The following NR1I3 variants were observed in gnomAD, a reference collection of about 807,000 sequenced individuals.
NR1I3 encodes the protein nuclear receptor subfamily 1 group I member 3.
A neutral mutation model predicts 38.4 loss-of-function variants in NR1I3; 30 were observed. The observed-to-expected ratio is 0.78, with a 90% CI of 0.58 to 1.06. The LOEUF (loss-of-function observed/expected upper bound fraction) is 1.06. NR1I3 is among the 50% of genes least tolerant of loss of function. The pLI, the probability that NR1I3 is intolerant of heterozygous loss-of-function variation, is 0.00. For missense variants in NR1I3, 388 were observed against 435.7 expected (o/e 0.89, Z 0.97); for synonymous variants, 143 against 165.1 (o/e 0.87, Z 1.03).
chr1:161,233,072 C>T (rs1413198702), intron 4 of NR1I3, 97 bp downstream of exon 4: 31 of 1,576,172 alleles, frequency 2.0e-5, no homozygotes, highest in Non-Finnish European at 2.6e-5. Flanking sequence ...GAGATCTGTT[C>T]TCAGTATCAG....
Position 161,229,941 on chromosome 1 carries a change from G to A in NR1I3, c.918-15C>T. On this transcript the variant is annotated splice_polypyrimidine_tract_variant and intron_variant, in intron 8 of 8. Coordinates refer to ENST00000367983, the MANE Select transcript of NR1I3 (RefSeq NM_005122.5). ...CATACAGAAACCTTTGGAGGAAGTAGTGGGGTTGCCAGGAAAACAGGAGGG... is the reference window on the plus strand; with the variant it reads ...CATACAGAAACCTTTGGAGGAAGTAATGGGGTTGCCAGGAAAACAGGAGGG... The A allele has an allele frequency of 6.2e-7, 1 of 1,614,074 alleles. No homozygotes were observed. The highest frequency in any genetic ancestry group is 8.5e-7 in the Non-Finnish European group (1 of 1,179,968).
intron 5 of NR1I3, among the ~76,000 whole-genome samples, chr1:161,231,882 G>A (rs965595151): frequency 4.6e-5 from 7 of 151,976 alleles, no homozygotes; most frequent in African/African-American, 1.4e-4. Flanking sequence ...GGGTGGTCTC[G>A]AACTCCTAGG....
At position 161,232,641 on chromosome 1, in the gene NR1I3, A is replaced by G. The variant is rs560922714; in HGVS notation, c.548+166T>C. Among the ~76,000 whole-genome samples the G allele has an allele frequency of 2.6e-5, 4 of 152,348 alleles. No individual in the cohort carries two copies. The East Asian group carries it at 7.7e-4, about 29-fold the overall frequency. On this transcript the variant is annotated intron_variant, in intron 5 of 8. Transcript: ENST00000367983. ...CAAGCCTGTACTTCAGAGATGGAGA[A>G]GAACTCCCAGTTCTGATTGGCACAT...
intron 2 of NR1I3, 71 bp from the exon 3 acceptor site, chr1:161,236,048 TA>T (rs1668555878): frequency 8.0e-6 from 12 of 1,504,994 alleles, no homozygotes; most frequent in Non-Finnish European, 1.1e-5. Flanking sequence ...TGACATGGTC[TA>T]AAAGACCTGG....
chr1:161,231,355 C>T lies in NR1I3; in HGVS notation c.668G>A (p.Arg223His), dbSNP rs1159078073. Residue 223 changes from arginine (R) to histidine (H), a missense_variant, in exon 6 of 9, where the codon CGC becomes CAC. Arg to His is a conservative substitution (Grantham distance 29). Transcript: ENST00000367983. The part of the protein sequence containing the change: ...QTQNFLCGPL[R>H]YTIEDGARVG... ...ACGGGCTCCATCTTCAATTGTGTAG[C>T]GAAGAGGCCCGCAGAGGAAGTTTTG... 8 of 1,569,038 alleles carry T rather than the reference C, an allele frequency of 5.1e-6. No individual in the cohort carries two copies. The African/African-American group carries it at 5.5e-5, about 11-fold the overall frequency.
rs1461338490 is a variant in NR1I3 at position 161,231,207 on chromosome 1, A to G, written c.721T>C (p.Leu241=). The G allele has an allele frequency of 1.9e-6, 3 of 1,613,912 alleles. No individual in the cohort carries two copies. The South Asian group carries it at 3.3e-5, about 18-fold the overall frequency. ...RVGFQVEFLE[L]LFHFHGTLRK... is the part of the protein sequence containing the mutation. Reference sequence around the variant, plus strand: ...AGTGTTCCATGGAAGTGAAAGAGCAACTCCAAAAACTCTACCTGGAACCCC... The same window carrying G: ...AGTGTTCCATGGAAGTGAAAGAGCAGCTCCAAAAACTCTACCTGGAACCCC... Residue 241 remains leucine (L), a synonymous_variant, in exon 7 of 9, where the codon TTG becomes CTG. Coordinates refer to ENST00000367983, the MANE Select transcript of NR1I3 (RefSeq NM_005122.5).
chr1:161,232,920 G>A lies in NR1I3; in HGVS notation c.435C>T (p.His145=), dbSNP rs1361986597. 1 of 1,614,220 alleles carries A rather than the reference G, an allele frequency of 6.2e-7. No homozygotes were observed. The highest frequency in any genetic ancestry group is 1.1e-5 in the South Asian group (1 of 91,084). The change falls in exon 5 of 9, where the codon CAC becomes CAT. Residue 145 remains histidine (H), a synonymous_variant. Coordinates refer to ENST00000367983, the MANE Select transcript of NR1I3 (RefSeq NM_005122.5). ...CAGGGGCCAGGGTGGGCAAGGGCTG[G>A]TGATGGATGAACAGATGAGCTGGAG... ...FRPPAHLFIH[H]QPLPTLAPVL...
Position 161,235,509 on chromosome 1 carries a change from C to T in NR1I3, c.238+338G>A, listed in dbSNP as rs543963221. The T allele has an allele frequency of 9.2e-5, 21 of 227,820 alleles. No homozygotes were observed. In the South Asian group the frequency reaches 9.8e-4, roughly 11 times the overall value. 14.1% of individuals were successfully genotyped at this position (227,820 alleles called of 1,614,324 possible). ...GGTCTCGATCTCCTGACCTCGTGAT[C>T]CGCCTGCCTCGGCCTCCCAAAGTGC... is the stretch of plus-strand genomic sequence containing the variant. On this transcript the variant is annotated intron_variant, in intron 3 of 8. Transcript: ENST00000367983.
chr1:161,237,963 C>T (rs547029703), intron 1 of NR1I3, 78 bp downstream of exon 1: 648 of 1,409,054 alleles, frequency 4.6e-4, no homozygotes, highest in Admixed American at 7.1e-4. Flanking sequence ...GAATGACACA[C>T]GTGAGCCACT....
At chr1:161,233,148 C>A (rs376347313) in intron 4 of NR1I3, 21 bp downstream of exon 4, 5 of 1,609,870 alleles carry the variant, frequency 3.1e-6, no homozygotes, top group African/African-American at 1.3e-5. Context: ...GTATTCCAAC[C>A]CAAATCCTGT....
At chr1:161,233,454 G>A in intron 3 of NR1I3, 116 bp from the exon 4 acceptor site, 2 of 1,110,606 alleles carry the variant, frequency 1.8e-6, no homozygotes, top group South Asian at 1.4e-5. Flanking sequence ...GGGGGCAGTG[G>A]GGGGAATTCC....
intron 7 of NR1I3, 29 bp from the exon 8 acceptor site, chr1:161,230,947 G>T (rs1571682485): frequency 6.2e-7 from 1 of 1,613,746 alleles, no homozygotes; most frequent in East Asian, 2.2e-5. Flanking sequence ...GGAAGGACAA[G>T]TTGGGTGGCA....
intron 8 of NR1I3, 146 bp downstream of exon 8, chr1:161,230,666 AG>A (rs2102108564): frequency 2.1e-6 from 2 of 970,982 alleles, no homozygotes; most frequent in African/African-American, 1.6e-5. Flanking sequence ...GATGTGAGAC[AG>A]GGATGGCCAG....
chr1:161,233,032 G>A, intron 4 of NR1I3, 86 bp from the exon 5 acceptor site: 1 of 1,588,732 alleles, frequency 6.3e-7, no homozygotes, highest in Non-Finnish European at 8.6e-7. Flanking sequence ...AGAGTTCCTT[G>A]CTGAGAAGCC....
chr1:161,229,993 C>G, intron 8 of NR1I3, 67 bp from the exon 9 acceptor site: 1 of 1,581,064 alleles, frequency 6.3e-7, no homozygotes, highest in Non-Finnish European at 8.7e-7. Flanking sequence ...AGTCTTGTCT[C>G]TAGGCCCTGA....
Position 161,236,357 on chromosome 1 carries a change from A to G in NR1I3, c.107+102T>C. The G allele has an allele frequency of 2.2e-6, 3 of 1,383,630 alleles. No individual in the cohort carries two copies. The South Asian group carries it at 3.9e-5, about 18-fold the overall frequency. 85.7% of individuals were successfully genotyped at this position (1,383,630 alleles called of 1,614,324 possible). On this transcript the variant is annotated intron_variant, in intron 2 of 8. Transcript: ENST00000367983. Reference sequence around the variant, plus strand: ...GGGTAGTTAGACTCTAAGATAAAGGAGTAATGTAGCTGGACAGGCTTGGGC... The same window carrying G: ...GGGTAGTTAGACTCTAAGATAAAGGGGTAATGTAGCTGGACAGGCTTGGGC...
chr1:161,233,828 C>CAT (rs57046815), intron 3 of NR1I3, among the ~76,000 whole-genome samples: 7 of 128,938 alleles, frequency 5.4e-5, no homozygotes, highest in African/African-American at 1.3e-4. Flanking sequence ...TGGTATTCAT[C>CAT]ATATATATAT....
intron 3 of NR1I3, 77 bp downstream of exon 3, chr1:161,235,770 T>A (rs1314721883): frequency 5.0e-6 from 8 of 1,584,638 alleles, no homozygotes. Context: ...GCCTGCTATG[T>A]AGAGAATGCA....
rs1350947451 is a variant in NR1I3 at position 161,230,037 on chromosome 1, GA to G, written c.918-112del. On this transcript the variant is annotated intron_variant, in intron 8 of 8. Coordinates refer to ENST00000367983, the MANE Select transcript of NR1I3 (RefSeq NM_005122.5). ...ACTATTCCTCAGTGAAGCCAGGTCT[GA>G]ACATTAGAGAAAATCATGCTCTGGT... 2.2e-5 allele frequency: 28 copies of G among 1,281,626 alleles called. No individual in the cohort carries two copies. The Middle Eastern group carries it at 7.9e-4, about 36-fold the overall frequency. 79.4% of individuals were successfully genotyped at this position (1,281,626 alleles called of 1,614,324 possible). A position where few individuals can be genotyped will look rare whatever the true frequency, so the allele number is the denominator to read the frequency against.
Sources: allele counts gnomAD v4.1 joint callset (sites outside exome capture counted in the v4.1 genomes callset), GRCh38; gene constraint gnomAD v4.1.1; transcripts MANE v1.5; gene names NCBI Gene and HGNC (gene_info 2026-07-23, HGNC 2026-07-21).